Variants in TLK1 observed in about 807,000 individuals in gnomAD.
The protein encoded by TLK1 is tousled like kinase 1.
In TLK1, 24 loss-of-function variants were observed where a neutral mutation model predicts 105.3. The observed-to-expected ratio is 0.23, with a 90% CI of 0.17 to 0.32. The LOEUF (loss-of-function observed/expected upper bound fraction) is 0.32. Ranked by LOEUF, TLK1 falls within the 10% of genes least tolerant of loss-of-function variation. The pLI is 1.00. For synonymous variants in TLK1, 321 were observed against 310.4 expected, an observed-to-expected ratio of 1.03 and a Z score of -0.36; for missense variants, 558 against 910.5, an observed-to-expected ratio of 0.61 and a Z score of 4.98.
rs115194571 is a variant in TLK1 at position 171,089,158 on chromosome 2, T to C, written c.259-6306A>G. Among the ~76,000 whole-genome samples, 717 of 152,358 alleles carry C rather than the reference T, an allele frequency of 4.7e-3. 8 individuals carry two copies. The highest frequency in any genetic ancestry group is 0.017 in the African/African-American group (687 of 41,584). ...CAGGAGTGAGACACCACATTTGGCCTGGCTTTGAAATTATGAACATGAATT... is the reference window on the plus strand; with the variant it reads ...CAGGAGTGAGACACCACATTTGGCCCGGCTTTGAAATTATGAACATGAATT... On this transcript the variant is annotated intron_variant, in intron 2 of 20. Transcript: ENST00000431350.
At chr2:171,211,770 G>A (rs1176373174) in intron 1 of TLK1, among the ~76,000 whole-genome samples, 1 of 151,390 alleles carries the variant, frequency 6.6e-6, no homozygotes, top group Non-Finnish European at 1.5e-5. Context: ...GACTGGTCTC[G>A]AACTCCTGAC....
At chr2:171,037,890 T>C (rs1316522105) in intron 11 of TLK1, among the ~76,000 whole-genome samples, 1 of 152,218 alleles carries the variant, frequency 6.6e-6, no homozygotes, top group Non-Finnish European at 1.5e-5. Context: ...GAAGCATATC[T>C]ACCTTTTCTG....
chr2:171,204,705 T>A (rs575792656), intron 1 of TLK1, among the ~76,000 whole-genome samples: 8 of 152,312 alleles, frequency 5.3e-5, no homozygotes, highest in Non-Finnish European at 8.8e-5. Flanking sequence ...ACGCCTGTAA[T>A]CCCAACACTT....
At chr2:170,996,598 C>A in intron 20 of TLK1, 55 bp downstream of exon 20, 1 of 1,446,904 alleles carries the variant, frequency 6.9e-7, no homozygotes, top group South Asian at 1.2e-5. Flanking sequence ...TTGTTGTCAG[C>A]ACAACTGATG....
At chr2:171,043,619 C>T (rs1686798281) in intron 11 of TLK1, among the ~76,000 whole-genome samples, 1 of 152,128 alleles carries the variant, frequency 6.6e-6, no homozygotes, top group Non-Finnish European at 1.5e-5. Flanking sequence ...TAAAAGACAG[C>T]ATTAACTTGA....
intron 4 of TLK1, among the ~76,000 whole-genome samples, chr2:171,060,323 T>C (rs1687692556): frequency 6.6e-6 from 1 of 152,126 alleles, no homozygotes; most frequent in East Asian, 1.9e-4. Flanking sequence ...GAGCTCAGTG[T>C]AAACTGAGAT....
rs539104587 is a variant in TLK1, at chr2:171,087,660, C to T, written c.259-4808G>A. ...ATAACTACAAAGAAAACCACACCTA[C>T]GCACATCATAGTCAAACTGCTGAAA... On this transcript the variant is annotated intron_variant, in intron 2 of 20. Coordinates refer to ENST00000431350, the MANE Select transcript of TLK1 (RefSeq NM_012290.5). Among the ~76,000 whole-genome samples the T allele has an allele frequency of 4.9e-4, 75 of 152,304 alleles. No individual in the cohort carries two copies. In the South Asian group the frequency reaches 9.1e-3, roughly 18 times the overall value.
At chr2:171,082,720 A>C in intron 3 of TLK1, 61 bp downstream of exon 3, 1 of 1,307,634 alleles carries the variant, frequency 7.6e-7, no homozygotes, top group Non-Finnish European at 1.1e-6. Flanking sequence ...CAAAATACTA[A>C]TTAAAACGGT....
intron 1 of TLK1, among the ~76,000 whole-genome samples, chr2:171,128,084 A>G (rs1558957485): frequency 6.6e-6 from 1 of 152,162 alleles, no homozygotes; most frequent in Non-Finnish European, 1.5e-5. Flanking sequence ...TCTTTTTAAT[A>G]TAATTGGTCT....
intron 10 of TLK1, 34 bp downstream of exon 10, chr2:171,049,780 T>A: frequency 1.2e-6 from 2 of 1,609,972 alleles, no homozygotes; most frequent in Non-Finnish European, 1.7e-6. Flanking sequence ...CCCAAACGAA[T>A]ACTAAAAACT....
At chr2:171,078,130 C>A (rs1332935825) in intron 3 of TLK1, among the ~76,000 whole-genome samples, 4 of 152,184 alleles carry the variant, frequency 2.6e-5, no homozygotes, top group African/African-American at 9.6e-5. Flanking sequence ...TTCTGTGATG[C>A]CCATCTCAAT....
At chr2:171,004,498 G>T (rs1248921733) in intron 18 of TLK1, among the ~76,000 whole-genome samples, 1 of 152,126 alleles carries the variant, frequency 6.6e-6, no homozygotes, top group East Asian at 1.9e-4. Flanking sequence ...TACATTCCAT[G>T]TTCCTATAGA....
At chr2:171,149,922 GA>G (rs1265172499) in intron 1 of TLK1, among the ~76,000 whole-genome samples, 1 of 151,518 alleles carries the variant, frequency 6.6e-6, no homozygotes, top group African/African-American at 2.4e-5. Context: ...AAAGGAAAAA[GA>G]AAAAGAAAGA....
chr2:171,111,520 G>A (rs1298883023), intron 2 of TLK1, among the ~76,000 whole-genome samples: 6 of 150,864 alleles, frequency 4.0e-5, no homozygotes, highest in African/African-American at 1.5e-4. Context: ...GGGAGGCATA[G>A]GTTGCAGTGA....
intron 13 of TLK1, among the ~76,000 whole-genome samples, chr2:171,013,301 C>T (rs1019163189): frequency 2.7e-5 from 4 of 149,986 alleles, no homozygotes; most frequent in African/African-American, 7.4e-5. Flanking sequence ...GCATGAGCTA[C>T]CACACCTGGC....
intron 12 of TLK1, among the ~76,000 whole-genome samples, chr2:171,027,821 T>G (rs1685848286): frequency 6.6e-6 from 1 of 152,184 alleles, no homozygotes; most frequent in Non-Finnish European, 1.5e-5. Context: ...TCAAGATTTT[T>G]AAGTTGACAC....
intron 1 of TLK1, among the ~76,000 whole-genome samples, chr2:171,148,870 ACT>A (rs1486316446): frequency 1.1e-5 from 1 of 89,156 alleles, no homozygotes; most frequent in African/African-American, 4.1e-5. Flanking sequence ...AGAGGGTGAG[ACT>A]CTGTCTTAAA....
rs533677523 is a variant in TLK1 at position 171,002,052 on chromosome 2, C to T, written c.1904+4095G>A. On this transcript the variant is annotated intron_variant, in intron 18 of 20. Transcript: ENST00000431350. ...TGGGCCTCACAAAGTGCTGAGATTA[C>T]AGGCATGAGCCACCGCGCCTGGCCT... Among the ~76,000 whole-genome samples, 38 of 152,070 alleles carry T rather than the reference C, an allele frequency of 2.5e-4. No individual in the cohort carries two copies. The South Asian group carries it at 7.9e-3, about 32-fold the overall frequency.
At chr2:171,063,349 A>G (rs1409127099) in intron 3 of TLK1, among the ~76,000 whole-genome samples, 1 of 152,136 alleles carries the variant, frequency 6.6e-6, no homozygotes. Flanking sequence ...CCATCTCAAA[A>G]ACAAAAGAAC....
Sources: allele counts gnomAD v4.1 joint callset (sites outside exome capture counted in the v4.1 genomes callset), GRCh38; gene constraint gnomAD v4.1.1; transcripts MANE v1.5; gene names NCBI Gene and HGNC (gene_info 2026-07-23, HGNC 2026-07-21).